Variants in NSG2 observed in about 807,000 individuals in gnomAD.
The protein encoded by NSG2 is neuronal vesicle trafficking associated 2, also known as neuronal vesicle trafficking-associated protein 2.
A neutral mutation model predicts 16.9 loss-of-function variants in NSG2; 4 were observed. That is an observed-to-expected ratio of 0.24 (90% CI 0.12 to 0.54). The LOEUF (loss-of-function observed/expected upper bound fraction) is 0.54, where lower values mean the gene tolerates loss of function less well. NSG2 is among the 20% of genes least tolerant of loss of function. The pLI is 0.95. For synonymous variants in NSG2, 98 were observed against 88.7 expected, an observed-to-expected ratio of 1.11 and a Z score of -0.59; for missense variants, 179 against 221.1, an observed-to-expected ratio of 0.81 and a Z score of 1.21.
At chr5:174,080,854 C>T (rs1581231418) in intron 3 of NSG2, among the ~76,000 whole-genome samples, 1 of 152,126 alleles carries the variant, frequency 6.6e-6, no homozygotes, top group African/African-American at 2.4e-5. Context: ...TGAGCCACCA[C>T]GCCTGGCGTA....
Position 174,104,222 on chromosome 5 carries a change from C to T in NSG2, c.214-6C>T, listed in dbSNP as rs377356924. The T allele has an allele frequency of 1.9e-6, 3 of 1,610,068 alleles. No homozygotes were observed. The highest frequency in any genetic ancestry group is 2.2e-5 in the East Asian group (1 of 44,832). On this transcript the variant is annotated splice_polypyrimidine_tract_variant and splice_region_variant and intron_variant, in intron 3 of 4. Transcript: ENST00000303177. ...GGCTGGATGACTTAATTTTGTATTC[C>T]TCCAGGTCACCATCCTTGTCAGCCT...
chr5:174,046,639 G>A, intron 1 of NSG2, 95 bp from the exon 2 acceptor site: 2 of 1,052,868 alleles, frequency 1.9e-6, no homozygotes, highest in African/African-American at 1.6e-5. Context: ...AGCCACTTGA[G>A]TGGAGCTGTT....
chr5:174,046,323 A>G (rs952978378), intron 1 of NSG2, among the ~76,000 whole-genome samples: 3 of 150,450 alleles, frequency 2.0e-5, no homozygotes, highest in African/African-American at 5.0e-5. Context: ...TAGCAACCAG[A>G]GTGGTGAGGT....
At chr5:174,098,554 G>C (rs1459166871) in intron 3 of NSG2, among the ~76,000 whole-genome samples, 1 of 152,150 alleles carries the variant, frequency 6.6e-6, no homozygotes, top group African/African-American at 2.4e-5. Context: ...TCTGGCCCGG[G>C]GTTGCCTGGA....
In NSG2 at chr5:174,100,442, G is replaced by A. The variant is rs148247125; in HGVS notation, c.214-3786G>A. The stretch of plus-strand genomic sequence containing the variant: ...GAACCACTCACAGCTAGTCCTACTA[G>A]AGCAGCGCTTCTCTTCCTGGTTACA... On this transcript the variant is annotated intron_variant, in intron 3 of 4. Coordinates refer to ENST00000303177, the MANE Select transcript of NSG2 (RefSeq NM_015980.5). 4.9e-3 allele frequency among the ~76,000 whole-genome samples: 745 copies of A among 152,320 alleles called. 5 individuals are homozygous for A. Among genetic ancestry groups the A allele is most frequent in the African/African-American group, 0.017 (717 of 41,578 alleles).
chr5:174,080,601 G>C (rs190011961), intron 3 of NSG2, among the ~76,000 whole-genome samples: 6 of 133,170 alleles, frequency 4.5e-5, no homozygotes, highest in African/African-American at 1.8e-4. Context: ...CTGTTCTGTC[G>C]TCCAGGCTGG....
At chr5:174,105,433 A>G (rs910154517) in intron 4 of NSG2, among the ~76,000 whole-genome samples, 1 of 152,200 alleles carries the variant, frequency 6.6e-6, no homozygotes, top group African/African-American at 2.4e-5. Flanking sequence ...TTATATCAAA[A>G]GTCTTGGCTC....
At chr5:174,065,213 A>G (rs1390724953) in intron 3 of NSG2, among the ~76,000 whole-genome samples, 1 of 151,866 alleles carries the variant, frequency 6.6e-6, no homozygotes, top group Non-Finnish European at 1.5e-5. Flanking sequence ...CTGTAATCCC[A>G]TCTACTCGGG....
At chr5:174,074,110 C>T (rs1760293566) in intron 3 of NSG2, among the ~76,000 whole-genome samples, 1 of 152,142 alleles carries the variant, frequency 6.6e-6, no homozygotes, top group Admixed American at 6.5e-5. Flanking sequence ...TCTCAGCACA[C>T]CACTGTGGAA....
intron 2 of NSG2, 118 bp from the exon 3 acceptor site, chr5:174,064,114 G>T (rs1246227046): frequency 4.6e-6 from 3 of 647,314 alleles, no homozygotes; most frequent in Non-Finnish European, 7.8e-6. Flanking sequence ...TGTTTGAAGG[G>T]GGGTTCTTTA....
intron 2 of NSG2, among the ~76,000 whole-genome samples, chr5:174,049,369 A>C (rs547304504): frequency 6.6e-6 from 1 of 151,096 alleles, no homozygotes; most frequent in African/African-American, 2.4e-5. Flanking sequence ...ACAAACAAAA[A>C]AACAAACTAC....
intron 3 of NSG2, among the ~76,000 whole-genome samples, chr5:174,095,586 G>T (rs1760784030): frequency 6.6e-6 from 1 of 152,154 alleles, no homozygotes; most frequent in South Asian, 2.1e-4. Flanking sequence ...AATCCAGGAT[G>T]ATTTCATCTC....
chr5:174,081,455 T>G (rs1760463731), intron 3 of NSG2: 1 of 152,234 alleles, frequency 6.6e-6, no homozygotes, highest in Admixed American at 6.5e-5. Flanking sequence ...TTTCAGATAT[T>G]AAGCCATTCT....
chr5:174,066,504 T>A (rs536549372), intron 3 of NSG2, among the ~76,000 whole-genome samples: 1 of 152,342 alleles, frequency 6.6e-6, no homozygotes, highest in South Asian at 2.1e-4. Context: ...CACATCCATA[T>A]GATGAACTAC....
intron 3 of NSG2, among the ~76,000 whole-genome samples, chr5:174,065,030 G>T (rs1022703118): frequency 6.6e-6 from 1 of 152,158 alleles, no homozygotes; most frequent in Admixed American, 6.5e-5. Context: ...ACCCTGAATA[G>T]AAATAAGGAC....
At chr5:174,068,874 G>A (rs1465035612) in intron 3 of NSG2, among the ~76,000 whole-genome samples, 1 of 149,506 alleles carries the variant, frequency 6.7e-6, no homozygotes, top group African/African-American at 2.5e-5. Flanking sequence ...GGAAGGTGCT[G>A]GTGTCGTGGG....
At chr5:174,075,526 T>C (rs570338349) in intron 3 of NSG2, among the ~76,000 whole-genome samples, 284 of 152,286 alleles carry the variant, frequency 1.9e-3, no homozygotes, top group Non-Finnish European at 3.1e-3. Context: ...TCTCGTCCTC[T>C]TTTTTCTCTT....
chr5:174,095,978 A>G (rs1312317976), intron 3 of NSG2, among the ~76,000 whole-genome samples: 1 of 152,244 alleles, frequency 6.6e-6, no homozygotes, highest in Non-Finnish European at 1.5e-5. Flanking sequence ...GCCACACTAC[A>G]TAGAACTAGA....
At chr5:174,062,877 T>G (rs1231121233) in intron 2 of NSG2, among the ~76,000 whole-genome samples, 1 of 152,208 alleles carries the variant, frequency 6.6e-6, no homozygotes, top group Non-Finnish European at 1.5e-5. Context: ...TTGACTGTTG[T>G]CTCCAGGGAA....
Sources: allele counts gnomAD v4.1 joint callset (sites outside exome capture counted in the v4.1 genomes callset), GRCh38; gene constraint gnomAD v4.1.1; transcripts MANE v1.5; gene names NCBI Gene and HGNC (gene_info 2026-07-23, HGNC 2026-07-21).